Variants in RAD51C observed in about 807,000 individuals in gnomAD.
RAD51C encodes the protein RAD51 paralog C, also known as DNA repair protein RAD51 homolog 3.
In RAD51C, 42 loss-of-function variants were observed where a neutral mutation model predicts 45.0. That is an observed-to-expected ratio of 0.93 (90% CI 0.73 to 1.21). The LOEUF (loss-of-function observed/expected upper bound fraction) is 1.21. Ranked by LOEUF, RAD51C falls within the 50% of genes most tolerant of loss-of-function variation. RAD51C has a pLI of 0.00. For synonymous variants in RAD51C, 172 were observed against 159.8 expected (o/e 1.08, Z -0.58); for missense variants, 474 against 452.2 (o/e 1.05, Z -0.44).
intron 4 of RAD51C, among the ~76,000 whole-genome samples, chr17:58,703,660 C>T (rs189700248): frequency 5.1e-4 from 77 of 152,164 alleles, no homozygotes; most frequent in Non-Finnish European, 9.4e-4. Flanking sequence ...TGCCTCTCCC[C>T]AAAGGTGATC....
chr17:58,733,128 G>A (rs762328590), intron 8 of RAD51C, among the ~76,000 whole-genome samples: 4 of 152,106 alleles, frequency 2.6e-5, no homozygotes, highest in Non-Finnish European at 5.9e-5. Context: ...CAATTCTCCT[G>A]CCTCAGCCTC....
At chr17:58,700,449 AATTT>A (rs1019399293) in intron 3 of RAD51C, among the ~76,000 whole-genome samples, 2 of 151,832 alleles carry the variant, frequency 1.3e-5, no homozygotes, top group African/African-American at 2.4e-5. Context: ...TTAATTAATT[AATTT>A]ATTTTTTAAG....
rs777351392 is a variant in RAD51C, at chr17:58,696,831, G to T, written c.543G>T (p.Gln181His). The T allele has an allele frequency of 6.2e-7, 1 of 1,614,156 alleles. No homozygotes were observed. Among genetic ancestry groups the T allele is most frequent in the South Asian group, 1.1e-5 (1 of 91,078 alleles). Residue 181 changes from glutamine to histidine, a missense_variant, in exon 3 of 9, where the codon CAG (glutamine) becomes CAT (histidine). Transcript: ENST00000337432. ...DLATACIQHL[Q>H]LIAEKHKGEE... ...CTACTGCCTGCATTCAGCACCTTCA[G>T]CTTATAGCAGAAAAACACAAGGGAG...
chr17:58,700,582 A>G (rs2048179963), intron 3 of RAD51C, among the ~76,000 whole-genome samples: 3 of 152,018 alleles, frequency 2.0e-5, no homozygotes, highest in East Asian at 3.9e-4. Context: ...AGCTGGGACT[A>G]CAGGCACCCG....
intron 5 of RAD51C, 80 bp downstream of exon 5, chr17:58,710,070 G>A (rs1413187047): frequency 5.4e-6 from 8 of 1,470,184 alleles, no homozygotes; most frequent in East Asian, 2.3e-5. Flanking sequence ...TGTCAAAATA[G>A]CGTTTGCCTG....
intron 7 of RAD51C, among the ~76,000 whole-genome samples, chr17:58,728,864 CTTATA>C (rs925530658): frequency 1.3e-5 from 2 of 152,038 alleles, no homozygotes; most frequent in African/African-American, 4.8e-5. Context: ...TGTCTATGTC[CTTATA>C]TTATGTGAGT....
chr17:58,712,153 C>T (rs2048576855), intron 5 of RAD51C, among the ~76,000 whole-genome samples: 1 of 151,794 alleles, frequency 6.6e-6, no homozygotes, highest in African/African-American at 2.4e-5. Flanking sequence ...TCGAGACCAG[C>T]CTGACCAACA....
chr17:58,694,880 C>T (rs1205118828), intron 1 of RAD51C, 51 bp from the exon 2 acceptor site: 2 of 1,453,186 alleles, frequency 1.4e-6, no homozygotes, highest in Non-Finnish European at 1.9e-6. Context: ...TATCATGTTA[C>T]ACTTTTAAAT....
rs558097188 is a variant in RAD51C, at chr17:58,692,886, G to C, written c.145+98G>C. ...TCGGCCTTCAGCCCAGTCTCCGTTA[G>C]ATTCTGCTTCCTCCCACGTCCATGT... On this transcript the variant is annotated intron_variant, in intron 1 of 8. Coordinates refer to ENST00000337432, the MANE Select transcript of RAD51C (RefSeq NM_058216.3). 7 of 1,564,154 alleles carry C rather than the reference G, an allele frequency of 4.5e-6. No individual in the cohort carries two copies. The Admixed American group carries it at 8.5e-5, about 19-fold the overall frequency.
rs1349262257 is a variant in RAD51C at position 58,692,665 on chromosome 17, T to A, written c.22T>A (p.Phe8Ile). ...TGCGATGCGCGGGAAGACGTTCCGC[T>A]TTGAAATGCAGCGGGATTTGGTGAG... MRGKTFRFEMQRDLVSFP... is the reference protein window; with the variant it reads MRGKTFRIEMQRDLVSFP... The change falls in exon 1 of 9, where the codon TTT becomes ATT. Residue 8 changes from phenylalanine to isoleucine, a missense_variant. Physicochemically the swap from Phe to Ile is conservative, Grantham distance 21. Transcript: ENST00000337432. 2 of 1,614,198 alleles carry A rather than the reference T, an allele frequency of 1.2e-6. No individual in the cohort carries two copies. The highest frequency in any genetic ancestry group is 2.2e-5 in the South Asian group (2 of 91,090).
rs587780840 is a variant in RAD51C at position 58,692,739 on chromosome 17, CCA to C, written c.97_98del (p.Gln33AspfsTer3). The C allele has an allele frequency of 6.2e-7, 1 of 1,614,258 alleles. No individual in the cohort carries two copies. Among genetic ancestry groups the C allele is most frequent in the Non-Finnish European group, 8.5e-7 (1 of 1,180,050 alleles). On this transcript the variant is annotated frameshift_variant, in exon 1 of 9. Transcript: ENST00000337432. LOFTEE classifies it high-confidence loss of function. Reference protein sequence around the residue: ...VRVKLVSAGFQTAEELLEVKP... With the variant: ...VRVKLVSAGFXTAEELLEVKP... Reference sequence around the variant, plus strand: ...GGGTGAAGCTGGTGTCTGCGGGGTTCCAGACTGCTGAGGAACTCCTAGAGGTG... The same window carrying C: ...GGGTGAAGCTGGTGTCTGCGGGGTTCGACTGCTGAGGAACTCCTAGAGGTG...
intron 8 of RAD51C, among the ~76,000 whole-genome samples, chr17:58,733,670 C>T (rs2049535700): frequency 6.6e-6 from 1 of 152,158 alleles, no homozygotes; most frequent in Non-Finnish European, 1.5e-5. Flanking sequence ...GGCACGTATC[C>T]ATGAGGTTTA....
chr17:58,732,659 C>A, intron 8 of RAD51C, 115 bp downstream of exon 8: 1 of 984,110 alleles, frequency 1.0e-6, no homozygotes, highest in Non-Finnish European at 1.6e-6. Flanking sequence ...TATTTGAGGA[C>A]AGCTTTTGAT....
chr17:58,708,803 C>T (rs545785604), intron 4 of RAD51C, among the ~76,000 whole-genome samples: 10 of 152,040 alleles, frequency 6.6e-5, no homozygotes, highest in African/African-American at 4.8e-5. Flanking sequence ...CTCCTGACCT[C>T]GTGATCCACC....
intron 3 of RAD51C, among the ~76,000 whole-genome samples, chr17:58,699,024 T>G (rs2048117803): frequency 6.6e-6 from 1 of 151,992 alleles, no homozygotes; most frequent in Non-Finnish European, 1.5e-5. Context: ...TTATTTATTT[T>G]AAGATGGAGT....
intron 2 of RAD51C, among the ~76,000 whole-genome samples, chr17:58,696,444 A>G (rs1792380703): frequency 6.7e-6 from 1 of 148,732 alleles, no homozygotes; most frequent in Non-Finnish European, 1.5e-5. Context: ...AAACATAAAT[A>G]AAATAAAATA....
intron 3 of RAD51C, among the ~76,000 whole-genome samples, chr17:58,701,381 G>A (rs527541901): frequency 4.0e-5 from 6 of 151,614 alleles, no homozygotes; most frequent in East Asian, 4.0e-4. Flanking sequence ...GGTGGCGGGC[G>A]CCTGTAGTCC....
chr17:58,695,078 G>T lies in RAD51C; in HGVS notation c.293G>T (p.Gly98Val), dbSNP rs1060502586. The change falls in exon 2 of 9, where the codon GGC becomes GTC. Residue 98 changes from glycine to valine, a missense_variant. Coordinates refer to ENST00000337432, the MANE Select transcript of RAD51C (RefSeq NM_058216.3). The stretch of plus-strand genomic sequence containing the variant: ...CTTCTTGAGCAGGAGCATACCCAGG[G>T]CTTCATAATCACCTTCTGTTCAGCA... ...LELLEQEHTQ[G>V]FIITFCSALD... The T allele has an allele frequency of 6.2e-7, 1 of 1,614,058 alleles. No homozygotes were observed. Among genetic ancestry groups the T allele is most frequent in the Non-Finnish European group, 8.5e-7 (1 of 1,180,016 alleles).
At chr17:58,719,404 C>T (rs1182367841) in intron 5 of RAD51C, among the ~76,000 whole-genome samples, 2 of 151,718 alleles carry the variant, frequency 1.3e-5, no homozygotes, top group African/African-American at 4.8e-5. Flanking sequence ...TTTTGTAGGT[C>T]AGGTACAGTG....
Sources: allele counts gnomAD v4.1 joint callset (sites outside exome capture counted in the v4.1 genomes callset), GRCh38; gene constraint gnomAD v4.1.1; transcripts MANE v1.5; gene names NCBI Gene and HGNC (gene_info 2026-07-23, HGNC 2026-07-21).